The following EPB41L2 variants were observed in gnomAD, a reference collection of about 807,000 sequenced individuals.
EPB41L2 encodes band 4.1-like protein 2.
In EPB41L2, 43 loss-of-function variants were observed where a neutral mutation model predicts 113.0. The observed-to-expected ratio is 0.38, with a 90% CI of 0.30 to 0.49. The LOEUF (loss-of-function observed/expected upper bound fraction) is 0.49. EPB41L2 is among the 20% of genes least tolerant of loss of function. The probability of loss-of-function intolerance (pLI) is 0.95; values close to 1 mark genes in which losing one functional copy is unlikely to be tolerated. For missense variants in EPB41L2, 1,147 were observed against 1,223.4 expected (o/e 0.94, Z 0.93); for synonymous variants, 442 against 436.7 (o/e 1.01, Z -0.15).
chr6:130,991,906 G>T (rs1781954306), intron 1 of EPB41L2, among the ~76,000 whole-genome samples: 1 of 151,858 alleles, frequency 6.6e-6, no homozygotes, highest in African/African-American at 2.4e-5. Flanking sequence ...GTTATAATTT[G>T]TTTCTCTTGG....
intron 1 of EPB41L2, among the ~76,000 whole-genome samples, chr6:131,008,144 G>A (rs1457644381): frequency 6.6e-6 from 1 of 152,218 alleles, no homozygotes. Context: ...GCCTAGGAGG[G>A]AAAAATGGTT....
At chr6:130,992,499 C>A (rs1782120434) in intron 1 of EPB41L2, among the ~76,000 whole-genome samples, 1 of 152,162 alleles carries the variant, frequency 6.6e-6, no homozygotes, top group Admixed American at 6.5e-5. Flanking sequence ...TGTACAGCTA[C>A]AAACCAAATC....
At chr6:130,901,470 C>A (rs1411745722) in intron 6 of EPB41L2, among the ~76,000 whole-genome samples, 1 of 151,874 alleles carries the variant, frequency 6.6e-6, no homozygotes, top group Non-Finnish European at 1.5e-5. Flanking sequence ...CTTAAACTGT[C>A]TCCTTGGATT....
At chr6:131,025,987 C>A (rs888060484) in intron 1 of EPB41L2, among the ~76,000 whole-genome samples, 7 of 152,130 alleles carry the variant, frequency 4.6e-5, no homozygotes, top group Non-Finnish European at 1.0e-4. Context: ...TACCAAACAG[C>A]CCCCAGGTCA....
intron 15 of EPB41L2, 117 bp from the exon 16 acceptor site, chr6:130,867,698 GAA>G (rs1419505291): frequency 4.5e-6 from 6 of 1,346,126 alleles, no homozygotes; most frequent in African/African-American, 2.9e-5. Flanking sequence ...ATGCACAAAA[GAA>G]AAGAGTAAAA....
intron 1 of EPB41L2, among the ~76,000 whole-genome samples, chr6:131,041,243 C>G (rs558107737): frequency 1.3e-5 from 2 of 152,072 alleles, no homozygotes; most frequent in African/African-American, 4.8e-5. Context: ...AAAGTTAGGG[C>G]TGAAATGTGA....
chr6:130,885,037 C>T, intron 12 of EPB41L2, 59 bp downstream of exon 12: 1 of 1,566,814 alleles, frequency 6.4e-7, no homozygotes. Flanking sequence ...GAAAATACAA[C>T]AGATACCCTC....
At chr6:130,947,667 T>A (rs1813404928) in intron 3 of EPB41L2, among the ~76,000 whole-genome samples, 1 of 152,004 alleles carries the variant, frequency 6.6e-6, no homozygotes, top group South Asian at 2.1e-4. Flanking sequence ...CCAATCTGCC[T>A]AAGGTCAACA....
chr6:131,012,344 C>T (rs1172302930), intron 1 of EPB41L2, among the ~76,000 whole-genome samples: 1 of 149,842 alleles, frequency 6.7e-6, no homozygotes, highest in African/African-American at 2.5e-5. Flanking sequence ...TCCGCACTAC[C>T]AACATTTTAT....
intron 1 of EPB41L2, among the ~76,000 whole-genome samples, chr6:130,994,485 T>G (rs1782607801): frequency 6.6e-6 from 1 of 152,100 alleles, no homozygotes; most frequent in Non-Finnish European, 1.5e-5. Flanking sequence ...ACCAGAGGAA[T>G]GAACAGCCCC....
intron 1 of EPB41L2, among the ~76,000 whole-genome samples, chr6:130,965,218 G>A (rs1379685066): frequency 6.6e-6 from 1 of 152,152 alleles, no homozygotes; most frequent in African/African-American, 2.4e-5. Context: ...CCTGCTCTCA[G>A]TATAGTGGGA....
intron 5 of EPB41L2, among the ~76,000 whole-genome samples, chr6:130,906,928 T>C (rs1797906499): frequency 3.9e-5 from 6 of 152,190 alleles, no homozygotes; most frequent in Admixed American, 1.3e-4. Context: ...ATCTTACTGT[T>C]ACTCATATTG....
rs915172 is a variant in EPB41L2 at position 130,863,630 on chromosome 6, T to G, written c.2910+8A>C. The G allele has an allele frequency of 0.33, 520,185 of 1,590,138 alleles. 89,288 individuals carry two copies. Among genetic ancestry groups the G allele is most frequent in the African/African-American group, 0.54 (39,745 of 74,240 alleles). On this transcript the variant is annotated splice_region_variant and intron_variant, in intron 18 of 19. Transcript: ENST00000337057. ...GCCATTTCCAAAACTAGAACTTAAC[T>G]TATTTACCTGGTCATGATCAATATC... is the stretch of plus-strand genomic sequence containing the variant.
chr6:130,943,126 T>G (rs563120875), intron 3 of EPB41L2, among the ~76,000 whole-genome samples: 1 of 152,188 alleles, frequency 6.6e-6, no homozygotes, highest in African/African-American at 2.4e-5. Context: ...ATGGGATTGC[T>G]GGGTCAAATG....
chr6:131,013,225 A>C (rs1400259102), intron 1 of EPB41L2, among the ~76,000 whole-genome samples: 1 of 109,224 alleles, frequency 9.2e-6, no homozygotes, highest in African/African-American at 4.2e-5. Flanking sequence ...CACACTTCTA[A>C]TCAGTTAACT....
chr6:130,869,077 C>T (rs1784824197), intron 15 of EPB41L2, among the ~76,000 whole-genome samples: 1 of 152,164 alleles, frequency 6.6e-6, no homozygotes, highest in Non-Finnish European at 1.5e-5. Context: ...AGACTGCTGT[C>T]ATTTCTAAAA....
intron 4 of EPB41L2, among the ~76,000 whole-genome samples, chr6:130,926,174 A>G (rs1804672512): frequency 6.6e-6 from 1 of 152,200 alleles, no homozygotes; most frequent in Admixed American, 6.5e-5. Flanking sequence ...CCTTTCAGGT[A>G]TGCTTTAATA....
At chr6:130,955,344 T>C (rs886906455) in intron 2 of EPB41L2, 27 bp from the exon 3 acceptor site, 6 of 1,605,522 alleles carry the variant, frequency 3.7e-6, no homozygotes, top group Admixed American at 3.3e-5. Flanking sequence ...AATAAATTCA[T>C]ACTATAGTCA....
At chr6:130,964,940 T>C (rs1774651731) in intron 1 of EPB41L2, among the ~76,000 whole-genome samples, 1 of 152,184 alleles carries the variant, frequency 6.6e-6, no homozygotes. Context: ...CTGCCTTCAA[T>C]CCCAAAACGA....
Sources: allele counts gnomAD v4.1 joint callset (sites outside exome capture counted in the v4.1 genomes callset), GRCh38; gene constraint gnomAD v4.1.1; transcripts MANE v1.5; gene names NCBI Gene and HGNC (gene_info 2026-07-23, HGNC 2026-07-21).